ANK3: variants seen among roughly 807,000 people sequenced by gnomAD.
ANK3 encodes the protein ankyrin 3, also known as ankyrin-3.
A neutral mutation model predicts 370.9 loss-of-function variants in ANK3; 57 were observed. That is an observed-to-expected ratio of 0.15 (90% CI 0.12 to 0.19). The LOEUF is 0.19. Among genes scored for constraint, ANK3 ranks in the 10% least tolerant of loss-of-function variants. ANK3 has a pLI of 1.00. For missense variants in ANK3, 4,439 were observed against 5,302.1 expected (o/e 0.84, Z 5.06); for synonymous variants, 1,929 against 1,946.3 (o/e 0.99, Z 0.23).
At chr10:60,364,386 G>C (rs770568423) in intron 1 of ANK3, among the ~76,000 whole-genome samples, 12 of 151,752 alleles carry the variant, frequency 7.9e-5, no homozygotes, top group African/African-American at 2.9e-4. Flanking sequence ...TAATAACAAT[G>C]GATATATTAG....
intron 2 of ANK3, among the ~76,000 whole-genome samples, chr10:60,512,308 A>AC (rs1299690775): frequency 6.6e-6 from 1 of 152,114 alleles, no homozygotes; most frequent in Non-Finnish European, 1.5e-5. Context: ...AGCTGCTTTT[A>AC]CCCCCTGCAT....
intron 1 of ANK3, among the ~76,000 whole-genome samples, chr10:60,306,219 C>T (rs895501710): frequency 2.6e-5 from 4 of 151,920 alleles, no homozygotes; most frequent in African/African-American, 7.3e-5. Flanking sequence ...CAACCTTCCC[C>T]GTTGAGTCCC....
intron 28 of ANK3, among the ~76,000 whole-genome samples, chr10:60,095,395 A>C (rs915825866): frequency 2.6e-5 from 4 of 152,210 alleles, no homozygotes; most frequent in Non-Finnish European, 5.9e-5. Context: ...ACTTTATTTT[A>C]TTAGATACGA....
At chr10:60,436,063 G>A (rs1383091409) in intron 2 of ANK3, among the ~76,000 whole-genome samples, 4 of 151,242 alleles carry the variant, frequency 2.6e-5, no homozygotes, top group Non-Finnish European at 5.9e-5. Context: ...ACTCCCGCCT[G>A]GGCGACAAGA....
chr10:60,451,483 G>GC (rs1595060295), intron 2 of ANK3, among the ~76,000 whole-genome samples: 1 of 152,146 alleles, frequency 6.6e-6, no homozygotes, highest in East Asian at 1.9e-4. Flanking sequence ...ATTTCACATG[G>GC]CCTTGCCTTT....
At chr10:60,272,447 A>C (rs1170284654) in intron 4 of ANK3, among the ~76,000 whole-genome samples, 1 of 148,152 alleles carries the variant, frequency 6.7e-6, no homozygotes, top group African/African-American at 2.5e-5. Context: ...AGATTTTTAG[A>C]AGTTTTTTGT....
chr10:60,621,182 G>A (rs368520680), intron 1 of ANK3, among the ~76,000 whole-genome samples: 1 of 152,138 alleles, frequency 6.6e-6, no homozygotes, highest in Non-Finnish European at 1.5e-5. Flanking sequence ...GCAATGCAAT[G>A]CAATGTGTTC....
intron 1 of ANK3, among the ~76,000 whole-genome samples, chr10:60,663,280 T>C (rs201413724): frequency 2.6e-5 from 4 of 152,172 alleles, no homozygotes; most frequent in East Asian, 3.8e-4. Flanking sequence ...ACAGTGGTCA[T>C]AGGGAGAAGG....
At chr10:60,531,854 C>T (rs997345037) in intron 2 of ANK3, among the ~76,000 whole-genome samples, 1 of 152,032 alleles carries the variant, frequency 6.6e-6, no homozygotes, top group Non-Finnish European at 1.5e-5. Flanking sequence ...CATTTCAGAC[C>T]TCTTGAAAAG....
rs536808577 is a variant in ANK3 at position 60,250,403 on chromosome 10, C to T, written c.798+11456G>A. Among the ~76,000 whole-genome samples the T allele has an allele frequency of 1.1e-4, 16 of 152,230 alleles. No individual in the cohort carries two copies. In the South Asian group the frequency reaches 1.2e-3, roughly 12 times the overall value. On this transcript the variant is annotated intron_variant, in intron 7 of 43. Coordinates refer to ENST00000280772, the MANE Select transcript of ANK3 (RefSeq NM_020987.5). ...TTTTTGAGATGGAGTCTCGCTCTGTCGCCCAGGCTGGAGTGCAGTGGCACA... is the reference window on the plus strand; with the variant it reads ...TTTTTGAGATGGAGTCTCGCTCTGTTGCCCAGGCTGGAGTGCAGTGGCACA...
At chr10:60,578,895 C>A (rs1447908070) in intron 2 of ANK3, among the ~76,000 whole-genome samples, 1 of 152,068 alleles carries the variant, frequency 6.6e-6, no homozygotes, top group Non-Finnish European at 1.5e-5. Context: ...CTTAATGGTA[C>A]CTTGCCTAAG....
At chr10:60,555,924 G>A (rs2077196141) in intron 2 of ANK3, among the ~76,000 whole-genome samples, 2 of 152,142 alleles carry the variant, frequency 1.3e-5, no homozygotes, top group Admixed American at 6.5e-5. Flanking sequence ...ATTGTTTGAT[G>A]TCAACTTCCC....
intron 20 of ANK3, 48 bp from the exon 21 acceptor site, chr10:60,172,451 A>AT (rs748413506): frequency 1.0e-4 from 158 of 1,508,510 alleles, no homozygotes; most frequent in Non-Finnish European, 1.2e-4. Context: ...CTTATTCCAC[A>AT]TTTTTTTTGC....
chr10:60,733,514 C>T (rs904034100), upstream of ANK3: 11 of 438,396 alleles, frequency 2.5e-5, no homozygotes, highest in African/African-American at 1.8e-4. Flanking sequence ...GCCAGGTGCC[C>T]GCGCGGGCCG....
At chr10:60,636,261 C>T (rs979934422) in intron 1 of ANK3, among the ~76,000 whole-genome samples, 3 of 152,086 alleles carry the variant, frequency 2.0e-5, no homozygotes, top group South Asian at 2.1e-4. Flanking sequence ...CTTGCTTATA[C>T]ATTCAAAACC....
At chr10:60,505,669 T>G (rs2075919788) in intron 2 of ANK3, among the ~76,000 whole-genome samples, 1 of 152,060 alleles carries the variant, frequency 6.6e-6, no homozygotes, top group African/African-American at 2.4e-5. Context: ...GATCCAGAGG[T>G]ACAATGAACA....
intron 1 of ANK3, among the ~76,000 whole-genome samples, chr10:60,336,806 C>A (rs1253936067): frequency 6.6e-6 from 1 of 152,166 alleles, no homozygotes; most frequent in Non-Finnish European, 1.5e-5. Flanking sequence ...CTTCACAGAA[C>A]AAAGTGTATA....
rs191923991 is a variant in ANK3 at position 60,505,182 on chromosome 10, C to A, written c.96+110004G>T. ...TTAAATCATTGTCTCCACTTTTGTG[C>A]GTGATTTTTATAGTAAAATGTTTTC... On this transcript the variant is annotated intron_variant, in intron 2 of 43. Coordinates refer to the ANK3 transcript ENST00000373827. Among the ~76,000 whole-genome samples the A allele has an allele frequency of 7.3e-4, 111 of 152,090 alleles. 1 individual carries two copies. The highest frequency in any genetic ancestry group is 2.5e-3 in the African/African-American group (102 of 41,508).
In ANK3 at chr10:60,069,333, G is replaced by C; in HGVS notation, c.11548C>G (p.Gln3850Glu). ...CCTATCAATTCCTTTGTTTTTTGCT[G>C]TTCTCCAAGAACTTTCTGCTTATCT... ...VRDKQKVLGEQQKTKELIGIR... is the reference protein window; with the variant it reads ...VRDKQKVLGEEQKTKELIGIR... Residue 3850 changes from glutamine to glutamate, a missense_variant, in exon 37 of 44, where the codon CAG (glutamine) becomes GAG (glutamate). Physicochemically the swap from Gln to Glu is conservative, Grantham distance 29. Coordinates refer to ENST00000280772, the MANE Select transcript of ANK3 (RefSeq NM_020987.5). 1 of 1,614,008 alleles carries C rather than the reference G, an allele frequency of 6.2e-7. No individual in the cohort carries two copies. Among genetic ancestry groups the C allele is most frequent in the Non-Finnish European group, 8.5e-7 (1 of 1,180,012 alleles).
Sources: allele counts gnomAD v4.1 joint callset (sites outside exome capture counted in the v4.1 genomes callset), GRCh38; gene constraint gnomAD v4.1.1; transcripts MANE v1.5; gene names NCBI Gene and HGNC (gene_info 2026-07-23, HGNC 2026-07-21).